The following GALNT10 variants were observed in gnomAD, a reference collection of about 807,000 sequenced individuals.
The protein encoded by GALNT10 is polypeptide N-acetylgalactosaminyltransferase 10.
In GALNT10, 41 loss-of-function variants were observed where a neutral mutation model predicts 75.0. The ratio of observed to expected loss-of-function variants is 0.55; its 90% CI spans 0.43 to 0.71. The LOEUF (loss-of-function observed/expected upper bound fraction) is 0.71. GALNT10 is among the 30% of genes least tolerant of loss of function. The pLI is 0.00. For missense variants in GALNT10, 727 were observed against 818.5 expected (o/e 0.89, Z 1.36); for synonymous variants, 302 against 313.0 (o/e 0.96, Z 0.37).
chr5:154,294,188 T>G (rs1408642839), intron 1 of GALNT10, among the ~76,000 whole-genome samples: 2 of 151,926 alleles, frequency 1.3e-5, no homozygotes, highest in Admixed American at 6.6e-5. Flanking sequence ...AATAAATAAT[T>G]TCCTGGTATG....
intron 6 of GALNT10, among the ~76,000 whole-genome samples, chr5:154,381,490 C>T (rs978110582): frequency 3.3e-5 from 5 of 152,206 alleles, no homozygotes; most frequent in African/African-American, 9.7e-5. Flanking sequence ...GATACAAAGC[C>T]GAAGCCCAAG....
intron 4 of GALNT10, among the ~76,000 whole-genome samples, chr5:154,358,602 CCA>C: frequency 6.6e-6 from 1 of 152,136 alleles, no homozygotes. Flanking sequence ...AGCCTCTCTC[CCA>C]CACACTGTGC....
At position 154,190,839 on chromosome 5, in the gene GALNT10, C is replaced by A; in HGVS notation, c.-28C>A. The stretch of plus-strand genomic sequence containing the variant: ...GCTGGGGGCGGCGCGGCGGGGCCGG[C>A]GGGGCGCGGCGGGGCTGACCGGCCC... On this transcript the variant is annotated 5_prime_UTR_variant, in exon 1 of 12. Transcript: ENST00000297107. 1 of 1,148,450 alleles carries A rather than the reference C, an allele frequency of 8.7e-7. No homozygotes were observed. 71.1% of individuals were successfully genotyped at this position (1,148,450 alleles called of 1,614,324 possible).
intron 1 of GALNT10, among the ~76,000 whole-genome samples, chr5:154,293,068 C>A (rs1368809656): frequency 2.6e-5 from 4 of 152,132 alleles, no homozygotes; most frequent in African/African-American, 9.6e-5. Flanking sequence ...AGAAAGAATA[C>A]AAAGGATTGT....
At chr5:154,214,836 G>A (rs1752841716) in intron 1 of GALNT10, among the ~76,000 whole-genome samples, 1 of 152,192 alleles carries the variant, frequency 6.6e-6, no homozygotes, top group African/African-American at 2.4e-5. Flanking sequence ...GAAACCTAGA[G>A]CTGTCAGCAA....
At chr5:154,385,024 G>C (rs1344271688) in intron 6 of GALNT10, among the ~76,000 whole-genome samples, 2 of 152,308 alleles carry the variant, frequency 1.3e-5, no homozygotes, top group East Asian at 1.9e-4. Context: ...TGCTGTAAAG[G>C]CTCATCTGCT....
chr5:154,322,016 A>G (rs1453671520), intron 3 of GALNT10, among the ~76,000 whole-genome samples: 1 of 152,234 alleles, frequency 6.6e-6, no homozygotes, highest in Non-Finnish European at 1.5e-5. Flanking sequence ...TGTTTTCTAT[A>G]GCTGCCATAA....
At chr5:154,315,505 G>A (rs1420850927) in intron 3 of GALNT10, among the ~76,000 whole-genome samples, 1 of 152,152 alleles carries the variant, frequency 6.6e-6, no homozygotes, top group African/African-American at 2.4e-5. Context: ...GTGTAGCTCT[G>A]TCTGCTCCCC....
intron 4 of GALNT10, among the ~76,000 whole-genome samples, chr5:154,365,070 G>A (rs1464615580): frequency 6.6e-6 from 1 of 152,230 alleles, no homozygotes; most frequent in Admixed American, 6.5e-5. Context: ...AATTAAAAGT[G>A]CAGACAGGGC....
intron 4 of GALNT10, among the ~76,000 whole-genome samples, chr5:154,358,134 TC>T (rs1755324677): frequency 6.6e-6 from 1 of 152,190 alleles, no homozygotes; most frequent in South Asian, 2.1e-4. Flanking sequence ...ACCATTTTTC[TC>T]CCTAAATAAA....
At chr5:154,360,178 G>C (rs931531386) in intron 4 of GALNT10, among the ~76,000 whole-genome samples, 1 of 152,104 alleles carries the variant, frequency 6.6e-6, no homozygotes, top group Non-Finnish European at 1.5e-5. Context: ...GGCTGGGTGC[G>C]GTGGCTCACA....
chr5:154,376,500 C>G lies in GALNT10; in HGVS notation c.754+38C>G. The G allele has an allele frequency of 6.7e-7, 1 of 1,482,214 alleles. No homozygotes were observed. The allele number at this position is 1,482,214 out of a possible 1,614,324, so 91.8% of individuals were successfully genotyped here. A position where few individuals can be genotyped will look rare whatever the true frequency, so the allele number is the denominator to read the frequency against. On this transcript the variant is annotated intron_variant, in intron 5 of 11. Transcript: ENST00000297107. This position sits in a 1 kb window ranked among gnomAD's most constrained non-coding sequence, Gnocchi z 4.1. ...CTCCCACTTGGAGGGAGGCAAACTG[C>G]AATGAGCCAGTGCCAGTGGCCCCCT...
intron 1 of GALNT10, among the ~76,000 whole-genome samples, chr5:154,255,811 C>T (rs561204616): frequency 6.6e-6 from 1 of 152,054 alleles, no homozygotes; most frequent in South Asian, 2.1e-4. Context: ...CAAAACCTAA[C>T]CTTACCCTGC....
In GALNT10 at chr5:154,289,895, C is replaced by T. The variant is rs1425490505; in HGVS notation, c.160-4921C>T. On this transcript the variant is annotated intron_variant, in intron 1 of 11. Transcript: ENST00000297107. ...AAACCTGAATCCCTGGTGCCTGACA[C>T]ACTGCTTTGTACAGAGTAGGTGTCA... 4.6e-5 allele frequency among the ~76,000 whole-genome samples: 7 copies of T among 152,148 alleles called. No individual in the cohort carries two copies. The South Asian group carries it at 1.5e-3, about 32-fold the overall frequency.
At chr5:154,400,688 G>C (rs1260854792) in intron 7 of GALNT10, among the ~76,000 whole-genome samples, 1 of 152,214 alleles carries the variant, frequency 6.6e-6, no homozygotes, top group East Asian at 1.9e-4. Flanking sequence ...GATGCTGTGT[G>C]TAGGTATAAA....
intron 4 of GALNT10, among the ~76,000 whole-genome samples, chr5:154,367,831 C>T (rs1755500068): frequency 6.7e-6 from 1 of 149,414 alleles, no homozygotes; most frequent in Non-Finnish European, 1.5e-5. Context: ...GCACTCCAGC[C>T]TGGGTGACAG....
chr5:154,308,804 C>A (rs1754470284), intron 3 of GALNT10, among the ~76,000 whole-genome samples: 1 of 152,196 alleles, frequency 6.6e-6, no homozygotes, highest in African/African-American at 2.4e-5. Context: ...AGATTTCAAG[C>A]ATATTAGTCA....
At chr5:154,406,432 G>A (rs541154348) in intron 8 of GALNT10, among the ~76,000 whole-genome samples, 24 of 152,318 alleles carry the variant, frequency 1.6e-4, no homozygotes, top group African/African-American at 5.8e-4. Context: ...CCACAGAGAT[G>A]CCTGAATCAG....
At chr5:154,365,862 A>G (rs1361059205) in intron 4 of GALNT10, among the ~76,000 whole-genome samples, 1 of 151,874 alleles carries the variant, frequency 6.6e-6, no homozygotes, top group Non-Finnish European at 1.5e-5. Context: ...ACTCCTCTTC[A>G]CTTGTTGTCA....
Sources: gnomAD v4.1 joint callset for allele counts (sites outside exome capture counted in the v4.1 genomes callset) on GRCh38, gnomAD v4.1.1 for gene constraint, Gnocchi (gnomAD v3.1) non-coding constraint, MANE v1.5 for transcripts, NCBI Gene and HGNC (gene_info 2026-07-23, HGNC 2026-07-21) for gene names.